WNK2: variants seen among roughly 807,000 people sequenced by gnomAD.
The protein encoded by WNK2 is WNK lysine deficient protein kinase 2.
A neutral mutation model predicts 192.1 loss-of-function variants in WNK2; 67 were observed. The ratio of observed to expected loss-of-function variants is 0.35; its 90% CI spans 0.29 to 0.43. The LOEUF is 0.43. WNK2 is among the 20% of genes least tolerant of loss of function. The pLI is 1.00. For missense variants in WNK2, 2,698 were observed against 3,089.7 expected (o/e 0.87, Z 3.01); for synonymous variants, 1,439 against 1,393.9 (o/e 1.03, Z -0.72).
At chr9:93,212,320 G>T (rs1432209743) in intron 2 of WNK2, among the ~76,000 whole-genome samples, 2 of 152,230 alleles carry the variant, frequency 1.3e-5, no homozygotes, top group African/African-American at 4.8e-5. Context: ...GGATTCTGTT[G>T]CCGGGCTTGG....
At chr9:93,309,017 G>A (rs1853152066) in intron 28 of WNK2, 4 of 1,004,712 alleles carry the variant, frequency 4.0e-6, no homozygotes, top group African/African-American at 3.4e-5. Context: ...TAGCTCACAC[G>A]CACCTGAGCC....
intron 8 of WNK2, 133 bp from the exon 9 acceptor site, chr9:93,252,750 A>G (rs1842759783): frequency 2.4e-6 from 2 of 834,004 alleles, no homozygotes; most frequent in African/African-American, 1.8e-5. Flanking sequence ...TGTTTAAACA[A>G]TATGTGCGGG....
At position 93,230,521 on chromosome 9, in the gene WNK2, G is replaced by T. The variant is rs564602005; in HGVS notation, c.855-367G>T. 3.3e-5 allele frequency among the ~76,000 whole-genome samples: 5 copies of T among 152,300 alleles called. No homozygotes were observed. The South Asian group carries it at 1.0e-3, about 32-fold the overall frequency. On this transcript the variant is annotated intron_variant, in intron 3 of 29. Coordinates refer to ENST00000427277, the MANE Select transcript of WNK2 (RefSeq NM_006648.4). The stretch of plus-strand genomic sequence containing the variant: ...TGGTTCTCACAGGCCCTGGCCTTTC[G>T]TAACCCTCACCCCCTCACCTGAGCA...
Position 93,320,443 on chromosome 9 carries a change from G to A in WNK2, c.*51G>A, listed in dbSNP as rs935944214. 31 of 1,366,284 alleles carry A rather than the reference G, an allele frequency of 2.3e-5. No homozygotes were observed. In the Admixed American group the frequency reaches 2.5e-4, roughly 11 times the overall value. The allele number at this position is 1,366,284 out of a possible 1,614,324, so 84.6% of individuals were successfully genotyped here. ...CACGCCGTCTAAGTGGAGAAGTGAC[G>A]GACCCTCAGGGCCAGCTGCTCCTCC... On this transcript the variant is annotated 3_prime_UTR_variant, in exon 30 of 30. Coordinates refer to ENST00000427277, the MANE Select transcript of WNK2 (RefSeq NM_006648.4).
chr9:93,271,596 TA>T (rs1846015885), intron 19 of WNK2, among the ~76,000 whole-genome samples: 1 of 152,166 alleles, frequency 6.6e-6, no homozygotes. Context: ...CATTGAAAGT[TA>T]AAATACCTGA....
intron 2 of WNK2, among the ~76,000 whole-genome samples, chr9:93,217,594 A>C (rs1192808460): frequency 6.6e-6 from 1 of 152,126 alleles, no homozygotes; most frequent in Non-Finnish European, 1.5e-5. Context: ...AGATGTGGGC[A>C]GGGGGGCCTA....
intron 2 of WNK2, among the ~76,000 whole-genome samples, chr9:93,225,525 T>A (rs889261797): frequency 6.6e-6 from 1 of 152,222 alleles, no homozygotes; most frequent in Non-Finnish European, 1.5e-5. Flanking sequence ...CATTTCTGAC[T>A]TTCGTGTCTT....
intron 26 of WNK2, among the ~76,000 whole-genome samples, chr9:93,305,846 G>A (rs1289720101): frequency 6.6e-6 from 1 of 152,230 alleles, no homozygotes; most frequent in African/African-American, 2.4e-5. Flanking sequence ...GCCGTGGGCT[G>A]GAGTGTAGAC....
rs752343441 is a variant in WNK2 at position 93,234,937 on chromosome 9, C to G, written c.1205C>G (p.Ala402Gly). 2 of 1,614,066 alleles carry G rather than the reference C, an allele frequency of 1.2e-6. No individual in the cohort carries two copies. The highest frequency in any genetic ancestry group is 1.7e-6 in the Non-Finnish European group (2 of 1,179,948). ...TACCCCTACTCGGAGTGCCAGAATG[C>G]GGCCCAGATCTACCGCAAGGTCACC... ...SEYPYSECQN[A>G]AQIYRKVTCG... The change falls in exon 5 of 30, where the codon GCG becomes GGG. Residue 402 changes from alanine (A) to glycine (G), a missense_variant. Coordinates refer to ENST00000427277, the MANE Select transcript of WNK2 (RefSeq NM_006648.4).
intron 5 of WNK2, among the ~76,000 whole-genome samples, chr9:93,235,691 G>A (rs1017426849): frequency 1.7e-4 from 26 of 152,334 alleles, no homozygotes; most frequent in African/African-American, 6.0e-4. Context: ...CTGCAGAGCT[G>A]TCCCTGACAT....
At chr9:93,187,090 A>G (rs1420364880) in intron 2 of WNK2, among the ~76,000 whole-genome samples, 1 of 152,098 alleles carries the variant, frequency 6.6e-6, no homozygotes, top group Non-Finnish European at 1.5e-5. Context: ...TGACCGGAGC[A>G]CCCTCAGGTG....
chr9:93,273,810 G>A (rs754377718), intron 19 of WNK2, among the ~76,000 whole-genome samples: 7 of 152,092 alleles, frequency 4.6e-5, no homozygotes, highest in African/African-American at 9.7e-5. Flanking sequence ...TATGTTCTCC[G>A]ATACAGTGTA....
Position 93,252,975 on chromosome 9 carries a change from G to A in WNK2, c.1927G>A (p.Ala643Thr), listed in dbSNP as rs545230085. ...QSVMLGSLADAAPSPAQCVCS... is the reference protein window; with the variant it reads ...QSVMLGSLADTAPSPAQCVCS... ...CGTGATGCTTGGCTCCCTTGCCGAC[G>A]CAGCGCCGTCCCCGGCCCAGTGTGT... Residue 643 changes from alanine (A) to threonine (T), a missense_variant, in exon 9 of 30, where the codon GCA (alanine) becomes ACA (threonine). This residue lies in a region of WNK2 where 893 missense variants were observed against 909.0 expected (regional missense o/e 0.98). Transcript: ENST00000427277. 1.6e-5 allele frequency: 25 copies of A among 1,569,056 alleles called. No homozygotes were observed. The highest frequency in any genetic ancestry group is 3.3e-4 in the Middle Eastern group (2 of 6,008).
In WNK2 at chr9:93,267,927, G is replaced by T. The variant is rs369788684; in HGVS notation, c.3867+11G>T. ...CTGGGCACCGGGGAGGTGAGGTTGT[G>T]AAATCCGGGGTGGGAGGTGGTGAGA... On this transcript the variant is annotated intron_variant, in intron 17 of 29. Coordinates refer to ENST00000427277, the MANE Select transcript of WNK2 (RefSeq NM_006648.4). 47 of 1,611,392 alleles carry T rather than the reference G, an allele frequency of 2.9e-5. No homozygotes were observed. The highest frequency in any genetic ancestry group is 3.4e-5 in the Non-Finnish European group (40 of 1,178,792).
rs1403909298 is a variant in WNK2 at position 93,247,433 on chromosome 9, C to T, written c.1543-110C>T. The T allele has an allele frequency of 2.4e-5, 30 of 1,261,368 alleles. No individual in the cohort carries two copies. In the East Asian group the frequency reaches 3.9e-4, roughly 16 times the overall value. 78.1% of individuals were successfully genotyped at this position (1,261,368 alleles called of 1,614,324 possible). On this transcript the variant is annotated intron_variant, in intron 7 of 29. Coordinates refer to ENST00000427277, the MANE Select transcript of WNK2 (RefSeq NM_006648.4). This position sits in a 1 kb window ranked among gnomAD's most constrained non-coding sequence, Gnocchi z 5.2. ...TTTACATTCAGTGGCAGTGGGATGG[C>T]GAGCGTGTCCTGCGTGGATGAGCCA...
At chr9:93,279,389 A>G (rs1318025695) in intron 19 of WNK2, among the ~76,000 whole-genome samples, 1 of 152,250 alleles carries the variant, frequency 6.6e-6, no homozygotes, top group Non-Finnish European at 1.5e-5. Context: ...AATATGTGCA[A>G]GATCTGTACA....
At chr9:93,317,787 C>T in intron 29 of WNK2, 156 bp downstream of exon 29, 2 of 1,475,630 alleles carry the variant, frequency 1.4e-6, no homozygotes, top group Non-Finnish European at 1.8e-6. Context: ...GGTGCCCGTG[C>T]TGCCAGTCTT....
intron 29 of WNK2, chr9:93,319,284 G>A (rs139100598): frequency 1.1e-5 from 16 of 1,485,592 alleles, no homozygotes; most frequent in Non-Finnish European, 1.4e-5. Context: ...GGGAGCACAG[G>A]AGTTGGGAGC....
At chr9:93,306,378 C>T (rs940430767) in intron 26 of WNK2, among the ~76,000 whole-genome samples, 2 of 152,224 alleles carry the variant, frequency 1.3e-5, no homozygotes, top group South Asian at 2.1e-4. Flanking sequence ...CCAGAGCTCC[C>T]GTGGCCGACT....
Sources: allele counts gnomAD v4.1 joint callset (sites outside exome capture counted in the v4.1 genomes callset), GRCh38; gene constraint gnomAD v4.1.1; regional missense constraint gnomAD v4.1.1; non-coding constraint Gnocchi (gnomAD v3.1); transcripts MANE v1.5; gene names NCBI Gene and HGNC (gene_info 2026-07-23, HGNC 2026-07-21).